Variants in ASB7 observed in about 807,000 individuals in gnomAD.
ASB7 encodes ankyrin repeat and SOCS box containing 7.
ASB7 carries 4 observed loss-of-function variants against 32.5 expected under a neutral mutation model. The ratio of observed to expected loss-of-function variants is 0.12; its 90% CI spans 0.06 to 0.28. The LOEUF is 0.28. Ranked by LOEUF, ASB7 falls within the 10% of genes least tolerant of loss-of-function variation. The pLI, the probability that ASB7 is intolerant of heterozygous loss-of-function variation, is 1.00. For missense variants in ASB7, 181 were observed against 407.1 expected, an observed-to-expected ratio of 0.44 and a Z score of 4.78; for synonymous variants, 172 against 155.6, an observed-to-expected ratio of 1.11 and a Z score of -0.78.
rs141576380 is a variant in ASB7, at chr15:100,633,034, C to T, written c.817+2992C>T. Among the ~76,000 whole-genome samples, 7 of 151,840 alleles carry T rather than the reference C, an allele frequency of 4.6e-5. 1 individual carries two copies. The highest frequency in any genetic ancestry group is 1.7e-4 in the African/African-American group (7 of 41,390). ...CCTCCCCCTTCCAGGACGTCAGGAG[C>T]GCAGCAGGGCCCATCCATGGAGGAG... On this transcript the variant is annotated intron_variant, in intron 5 of 5. Coordinates refer to ENST00000332783, the MANE Select transcript of ASB7 (RefSeq NM_198243.3).
intron 4 of ASB7, among the ~76,000 whole-genome samples, chr15:100,617,559 C>T (rs1202526397): frequency 3.9e-5 from 6 of 152,306 alleles, no homozygotes; most frequent in East Asian, 1.9e-4. Flanking sequence ...CCAGCCAGAC[C>T]GGGTCACCCG....
At chr15:100,603,135 C>T in intron 1 of ASB7, 80 bp from the exon 2 acceptor site, 1 of 397,154 alleles carries the variant, frequency 2.5e-6, no homozygotes, top group Non-Finnish European at 4.4e-6. Flanking sequence ...CCTGCCCTTG[C>T]CACTCTCCAG....
intron 4 of ASB7, among the ~76,000 whole-genome samples, chr15:100,612,832 G>A (rs1194855625): frequency 6.6e-6 from 1 of 152,084 alleles, no homozygotes; most frequent in African/African-American, 2.4e-5. Context: ...TAAACATCAT[G>A]GCCTAATGAT....
chr15:100,613,436 C>G (rs2039713727), intron 4 of ASB7, among the ~76,000 whole-genome samples: 1 of 152,188 alleles, frequency 6.6e-6, no homozygotes, highest in Non-Finnish European at 1.5e-5. Flanking sequence ...GCCACATGGC[C>G]CAGGGGCCCT....
chr15:100,621,711 A>G (rs953588942), intron 4 of ASB7, among the ~76,000 whole-genome samples: 1 of 152,200 alleles, frequency 6.6e-6, no homozygotes, highest in African/African-American at 2.4e-5. Context: ...AGTAATCCCA[A>G]AGTAAAAACA....
At position 100,624,035 on chromosome 15, in the gene ASB7, G is replaced by GT. The variant is rs570436292; in HGVS notation, c.212-5401dup. On this transcript the variant is annotated intron_variant, in intron 4 of 5. Coordinates refer to ENST00000332783, the MANE Select transcript of ASB7 (RefSeq NM_198243.3). Reference sequence around the variant, plus strand: ...GCCACATAGATGACGAGGTCATCATGTGAGGTGAAATAAGTCAAGCACAGA... The same window carrying GT: ...GCCACATAGATGACGAGGTCATCATGTTGAGGTGAAATAAGTCAAGCACAGA... Among the ~76,000 whole-genome samples, 4 of 152,326 alleles carry GT rather than the reference G, an allele frequency of 2.6e-5. No individual in the cohort carries two copies. In the South Asian group the frequency reaches 8.3e-4, roughly 32 times the overall value.
At chr15:100,628,337 A>G (rs1378903508) in intron 4 of ASB7, among the ~76,000 whole-genome samples, 1 of 152,218 alleles carries the variant, frequency 6.6e-6, no homozygotes, top group Non-Finnish European at 1.5e-5. Flanking sequence ...GACCTAAATA[A>G]CGTTTATTAA....
At chr15:100,644,360 A>G (rs1030734346) in intron 5 of ASB7, among the ~76,000 whole-genome samples, 1 of 152,256 alleles carries the variant, frequency 6.6e-6, no homozygotes, top group African/African-American at 2.4e-5. Flanking sequence ...TTTGCAGATC[A>G]AATACTGTAA....
intron 5 of ASB7, 46 bp from the exon 6 acceptor site, chr15:100,648,277 T>C (rs2040009593): frequency 6.5e-6 from 10 of 1,534,598 alleles, no homozygotes; most frequent in Non-Finnish European, 8.8e-6. Context: ...GCCTTAAATA[T>C]TGTGCTTTGT....
At chr15:100,645,325 A>G (rs943436124) in intron 5 of ASB7, 4 of 223,832 alleles carry the variant, frequency 1.8e-5, no homozygotes, top group Non-Finnish European at 3.6e-5. Context: ...ATAAACTTCA[A>G]AAGGCTGCTT....
intron 4 of ASB7, among the ~76,000 whole-genome samples, chr15:100,613,476 G>A (rs2039714110): frequency 6.6e-6 from 1 of 152,244 alleles, no homozygotes; most frequent in Admixed American, 6.5e-5. Flanking sequence ...TGAAATAGTT[G>A]ACCATTGTCA....
chr15:100,646,428 G>T (rs7168512), intron 5 of ASB7: 213,968 of 424,082 alleles, frequency 0.5, 57,742 homozygotes, highest in African/African-American at 0.7. Context: ...CTTCTTTTAA[G>T]GAGGTGTTCT....
At chr15:100,626,830 A>G (rs1172756586) in intron 4 of ASB7, among the ~76,000 whole-genome samples, 1 of 152,226 alleles carries the variant, frequency 6.6e-6, no homozygotes, top group East Asian at 1.9e-4. Context: ...AACATCATGC[A>G]AAGTGAAGTA....
intron 5 of ASB7, among the ~76,000 whole-genome samples, chr15:100,641,962 G>A (rs2039964645): frequency 6.6e-6 from 1 of 152,194 alleles, no homozygotes. Flanking sequence ...GTGGGGCCAG[G>A]AGCCAAATCC....
chr15:100,616,345 C>G (rs1221778234), intron 4 of ASB7, among the ~76,000 whole-genome samples: 5 of 152,058 alleles, frequency 3.3e-5, no homozygotes, highest in Non-Finnish European at 5.9e-5. Flanking sequence ...GGGCAGAAGT[C>G]TACATTTCAA....
Position 100,651,099 on chromosome 15 carries a change from TA to T in ASB7, c.*2642del, listed in dbSNP as rs1195146238. 6.6e-6 allele frequency: 1 copy of T among 152,148 alleles called. No homozygotes were observed. The highest frequency in any genetic ancestry group is 1.5e-5 in the Non-Finnish European group (1 of 68,024). The allele number at this position is 152,148 out of a possible 1,614,324, so 9.4% of individuals were successfully genotyped here. ...ATTTAAGCCTATTACTAAACCTTTA[TA>T]AAAATATATTTGGCAAATACACCAA... is the stretch of plus-strand genomic sequence containing the variant. On this transcript the variant is annotated 3_prime_UTR_variant, in exon 6 of 6. Transcript: ENST00000332783.
chr15:100,645,594 A>G (rs1291601370), intron 5 of ASB7: 4 of 737,462 alleles, frequency 5.4e-6, no homozygotes. Context: ...TTATATAAGG[A>G]TCCTGAAATC....
chr15:100,610,569 T>C (rs2039687242), intron 3 of ASB7, among the ~76,000 whole-genome samples: 1 of 152,232 alleles, frequency 6.6e-6, no homozygotes, highest in African/African-American at 2.4e-5. Flanking sequence ...AGTAGCTTGA[T>C]ATTTTTAAAT....
At chr15:100,624,324 G>T (rs1407015156) in intron 4 of ASB7, among the ~76,000 whole-genome samples, 1 of 152,194 alleles carries the variant, frequency 6.6e-6, no homozygotes, top group Non-Finnish European at 1.5e-5. Flanking sequence ...TCAGCTCATA[G>T]AAGTGATAAA....
Sources: gnomAD v4.1 joint callset for allele counts (sites outside exome capture counted in the v4.1 genomes callset) on GRCh38, gnomAD v4.1.1 for gene constraint, MANE v1.5 for transcripts, NCBI Gene and HGNC (gene_info 2026-07-23, HGNC 2026-07-21) for gene names.